Variants in ENSA observed in about 807,000 individuals in gnomAD.
ENSA encodes alpha-endosulfine.
Under a neutral mutation model 16.8 loss-of-function variants are expected in ENSA, and 7 were observed. That is an observed-to-expected ratio of 0.42 (90% confidence interval 0.24 to 0.78). ENSA has a LOEUF of 0.78. Ranked by LOEUF, ENSA falls within the 30% of genes least tolerant of loss-of-function variation. The probability of loss-of-function intolerance (pLI) is 0.29; values close to 1 mark genes in which losing one functional copy is unlikely to be tolerated. For synonymous variants in ENSA, 58 were observed against 53.4 expected (o/e 1.09, Z -0.37); for missense variants, 87 against 142.3 (o/e 0.61, Z 1.98).
In ENSA at chr1:150,626,640, T is replaced by C. The variant is rs891877540; in HGVS notation, c.183+827A>G. The C allele has an allele frequency of 5.6e-6, 4 of 719,402 alleles. No individual in the cohort carries two copies. In the African/African-American group the frequency reaches 7.2e-5, roughly 13 times the overall value. The allele number at this position is 719,402 out of a possible 1,614,324, so 44.6% of individuals were successfully genotyped here. On this transcript the variant is annotated intron_variant, in intron 2 of 3. Transcript: ENST00000369014. The stretch of plus-strand genomic sequence containing the variant: ...GGCACGATCTCGGCTCACTGCAAGC[T>C]CCGCCTCCCGGGTTCACGCCATTCT...
rs1649030495 is a variant in ENSA at position 150,622,392 on chromosome 1, C to T, written c.*452G>A. 1 of 165,198 alleles carries T rather than the reference C, an allele frequency of 6.1e-6. No homozygotes were observed. The highest frequency in any genetic ancestry group is 2.4e-5 in the African/African-American group (1 of 42,004). 10.2% of individuals were successfully genotyped at this position (165,198 alleles called of 1,614,324 possible). A position where few individuals can be genotyped will look rare whatever the true frequency, so the allele number is the denominator to read the frequency against. On this transcript the variant is annotated 3_prime_UTR_variant, in exon 4 of 4. Transcript: ENST00000369014. ...ATCTGACACCAGGTCTCCAACCACA[C>T]TGAAACAAGGCATTTATCTACAGAG... is the stretch of plus-strand genomic sequence containing the variant.
rs770411929 is a variant in ENSA, at chr1:150,627,469, C to T, written c.181G>A (p.Gly61Arg). ...GGGTAAGAGACTATGCCCCATACCC[C>T]TTTCTGGAGTCTCTTCATGAGGAAG... The part of the protein sequence containing the change: ...SDFLMKRLQK[G>R]QKYFDSGDYN... The change falls in exon 2 of 4, where the codon GGG (glycine) becomes AGG (arginine). Residue 61 changes from glycine to arginine, a missense_variant and splice_region_variant. Coordinates refer to ENST00000369014, the MANE Select transcript of ENSA (RefSeq NM_004436.4). 2 of 1,614,230 alleles carry T rather than the reference C, an allele frequency of 1.2e-6. No homozygotes were observed. Among genetic ancestry groups the T allele is most frequent in the South Asian group, 1.1e-5 (1 of 91,090 alleles).
chr1:150,627,706 G>A (rs1402848636), intron 1 of ENSA, 114 bp from the exon 2 acceptor site: 1 of 1,041,732 alleles, frequency 9.6e-7, no homozygotes, highest in Non-Finnish European at 1.4e-6. Flanking sequence ...TTGTAAATAC[G>A]CTATCTCTAC....
At chr1:150,624,576 T>C (rs587751720) in intron 3 of ENSA, 2 of 985,770 alleles carry the variant, frequency 2.0e-6, no homozygotes, top group Admixed American at 6.1e-5. Flanking sequence ...GCTTCCTAAG[T>C]ATTTTTTTTT....
At chr1:150,623,873 C>G in intron 3 of ENSA, 2 of 985,714 alleles carry the variant, frequency 2.0e-6, no homozygotes, top group Non-Finnish European at 2.4e-6. Context: ...CAACTTTCTC[C>G]TATCCAATTT....
At chr1:150,626,489 GCA>G (rs755895835) in intron 2 of ENSA, 8 of 1,612,830 alleles carry the variant, frequency 5.0e-6, no homozygotes, top group Non-Finnish European at 5.1e-6. Flanking sequence ...CATTTCATCC[GCA>G]CAGAGAAGCA....
At chr1:150,625,417 C>T in intron 3 of ENSA, 3 of 1,230,074 alleles carry the variant, frequency 2.4e-6, no homozygotes, top group Non-Finnish European at 3.0e-6. Context: ...TATTTCTGGG[C>T]CCTACCTGGA....
intron 1 of ENSA, 151 bp downstream of exon 1, chr1:150,629,263 A>G: frequency 6.6e-7 from 1 of 1,508,550 alleles, no homozygotes. Flanking sequence ...CCAAAGCAGC[A>G]TGTCGTGTTG....
At chr1:150,629,053 T>C (rs41266903) in intron 1 of ENSA, 10 of 1,614,000 alleles carry the variant, frequency 6.2e-6, no homozygotes, top group Non-Finnish European at 7.6e-6. Context: ...GGTTGCTGGG[T>C]CACTTACCTC....
chr1:150,626,416 T>C (rs1649312590), intron 2 of ENSA: 11 of 1,514,744 alleles, frequency 7.3e-6, no homozygotes, highest in Non-Finnish European at 9.2e-6. Context: ...CAAATCAGCA[T>C]CACATTATCA....
intron 1 of ENSA, among the ~76,000 whole-genome samples, chr1:150,628,366 G>A (rs587705660): frequency 9.9e-5 from 15 of 152,214 alleles, no homozygotes; most frequent in Middle Eastern, 6.8e-3. Flanking sequence ...AAACAGAGAG[G>A]AAAATGATAC....
intron 2 of ENSA, 23 bp downstream of exon 2, chr1:150,627,444 G>A (rs1649419270): frequency 1.2e-6 from 2 of 1,614,188 alleles, no homozygotes; most frequent in East Asian, 2.2e-5. Flanking sequence ...CAAAGAAAGA[G>A]GGTAAGAGAC....
intron 2 of ENSA, chr1:150,627,242 T>C (rs1462663793): frequency 2.0e-6 from 3 of 1,521,346 alleles, no homozygotes; most frequent in African/African-American, 1.4e-5. Context: ...CACACCCAAA[T>C]GCTCCAATTT....
chr1:150,629,061 C>T (rs587606221), intron 1 of ENSA: 177 of 1,614,116 alleles, frequency 1.1e-4, no homozygotes, highest in Middle Eastern at 6.6e-4. Flanking sequence ...GGTCACTTAC[C>T]TCTACAAACC....
intron 1 of ENSA, 98 bp downstream of exon 1, chr1:150,629,316 A>G (rs1649576400): frequency 1.3e-6 from 2 of 1,548,152 alleles, no homozygotes; most frequent in African/African-American, 1.4e-5. Flanking sequence ...ACCCCTGCGG[A>G]GCCTGAGACC....
At chr1:150,627,404 A>G in intron 2 of ENSA, 63 bp downstream of exon 2, 2 of 1,614,258 alleles carry the variant, frequency 1.2e-6, no homozygotes, top group Non-Finnish European at 1.7e-6. Flanking sequence ...GAACCTCTAC[A>G]GACTTCATTC....
At chr1:150,629,088 C>A in intron 1 of ENSA, 2 of 1,614,162 alleles carry the variant, frequency 1.2e-6, no homozygotes, top group Non-Finnish European at 1.7e-6. Flanking sequence ...ACACATCACA[C>A]CCAAGACCAC....
intron 1 of ENSA, chr1:150,629,036 C>T (rs1437795046): frequency 6.2e-7 from 1 of 1,613,548 alleles, no homozygotes; most frequent in East Asian, 2.2e-5. Flanking sequence ...GCTGCGGGCC[C>T]CAGCCCGGTT....
At chr1:150,626,420 A>G (rs961999347) in intron 2 of ENSA, 10 of 1,536,078 alleles carry the variant, frequency 6.5e-6, no homozygotes. Context: ...TCAGCATCAC[A>G]TTATCATCTG....
Sources: gnomAD v4.1 joint callset for allele counts (sites outside exome capture counted in the v4.1 genomes callset) on GRCh38, gnomAD v4.1.1 for gene constraint, MANE v1.5 for transcripts, NCBI Gene and HGNC (gene_info 2026-07-23, HGNC 2026-07-21) for gene names.